EHBP1: variants seen among roughly 807,000 people sequenced by gnomAD.
EHBP1 encodes the protein EH domain-binding protein 1.
A neutral mutation model predicts 144.0 loss-of-function variants in EHBP1; 55 were observed. That is an observed-to-expected ratio of 0.38 (90% CI 0.31 to 0.48). The LOEUF (loss-of-function observed/expected upper bound fraction) is 0.48. Among genes scored for constraint, EHBP1 ranks in the 20% least tolerant of loss-of-function variants. The pLI, the probability that EHBP1 is intolerant of heterozygous loss-of-function variation, is 0.98. For missense variants in EHBP1, 1,200 were observed against 1,364.2 expected, an observed-to-expected ratio of 0.88 and a Z score of 1.90; for synonymous variants, 469 against 472.7, an observed-to-expected ratio of 0.99 and a Z score of 0.10.
chr2:62,881,245 TGGAGGGTGGGA>T (rs1230603433), intron 10 of EHBP1, among the ~76,000 whole-genome samples: 1 of 151,156 alleles, frequency 6.6e-6, no homozygotes, highest in Non-Finnish European at 1.5e-5. Flanking sequence ...TACTTGTGGG[TGGAGGGTGGGA>T]GGAGGGTGAG....
intron 15 of EHBP1, among the ~76,000 whole-genome samples, chr2:62,986,317 T>G (rs1157621380): frequency 2.6e-5 from 4 of 152,190 alleles, no homozygotes; most frequent in African/African-American, 9.6e-5. Flanking sequence ...GTGATTGTGC[T>G]TAAATAATGA....
intron 2 of EHBP1, among the ~76,000 whole-genome samples, chr2:62,729,607 TATAATAA>T (rs1270338972): frequency 7.6e-6 from 1 of 132,118 alleles, no homozygotes; most frequent in Non-Finnish European, 1.6e-5. Context: ...TAATAATAAA[TATAATAA>T]TAAATAAAAT....
chr2:62,814,466 A>G (rs2045293226), intron 5 of EHBP1, among the ~76,000 whole-genome samples: 1 of 152,274 alleles, frequency 6.6e-6, no homozygotes, highest in African/African-American at 2.4e-5. Flanking sequence ...AGATTAACAC[A>G]GCCAGCATTA....
intron 5 of EHBP1, among the ~76,000 whole-genome samples, chr2:62,781,051 C>A (rs2042389486): frequency 1.3e-5 from 2 of 152,152 alleles, no homozygotes; most frequent in African/African-American, 4.8e-5. Flanking sequence ...GTGACAGATA[C>A]TTGCTACATA....
In EHBP1 at chr2:62,674,197, T is replaced by C. The variant is rs538088288; in HGVS notation, c.-296+114T>C. On this transcript the variant is annotated intron_variant, in intron 1 of 22. Coordinates refer to the EHBP1 transcript ENST00000405015. Reference sequence around the variant, plus strand: ...CCTTGATAACCTAGATTTTCATGTGTGTGTATGTGTGTGTGTGTAAAAGCT... The same window carrying C: ...CCTTGATAACCTAGATTTTCATGTGCGTGTATGTGTGTGTGTGTAAAAGCT... The C allele has an allele frequency of 2.6e-4, 123 of 464,924 alleles. 1 individual carries two copies. The highest frequency in any genetic ancestry group is 2.2e-3 in the African/African-American group (111 of 49,902). The allele number at this position is 464,924 out of a possible 1,614,324, so 28.8% of individuals were successfully genotyped here.
At chr2:62,971,127 A>C (rs1053632984) in intron 14 of EHBP1, among the ~76,000 whole-genome samples, 1 of 152,206 alleles carries the variant, frequency 6.6e-6, no homozygotes, top group South Asian at 2.1e-4. Flanking sequence ...AGTAACTTGA[A>C]GACATGCTGT....
chr2:62,892,488 T>A (rs2052541988), intron 10 of EHBP1, among the ~76,000 whole-genome samples: 1 of 152,150 alleles, frequency 6.6e-6, no homozygotes, highest in African/African-American at 2.4e-5. Flanking sequence ...AAGTAGAGGT[T>A]GTCATTTGGC....
intron 5 of EHBP1, among the ~76,000 whole-genome samples, chr2:62,801,474 A>G (rs999977436): frequency 1.3e-5 from 2 of 152,256 alleles, no homozygotes; most frequent in African/African-American, 4.8e-5. Context: ...ATAATGTAAT[A>G]CATCCCTTCT....
At chr2:62,982,375 T>C (rs2059009483) in intron 15 of EHBP1, among the ~76,000 whole-genome samples, 1 of 152,188 alleles carries the variant, frequency 6.6e-6, no homozygotes, top group Non-Finnish European at 1.5e-5. Context: ...GCCTGGTTGT[T>C]ATTTACCTTC....
At chr2:62,825,136 A>T (rs2152599559) in intron 5 of EHBP1, among the ~76,000 whole-genome samples, 1 of 152,002 alleles carries the variant, frequency 6.6e-6, no homozygotes, top group East Asian at 1.9e-4. Flanking sequence ...ATGATTTCTG[A>T]TTTATGTTAT....
At chr2:62,960,622 TTGAA>T in intron 14 of EHBP1, among the ~76,000 whole-genome samples, 1 of 152,176 alleles carries the variant, frequency 6.6e-6, no homozygotes, top group East Asian at 1.9e-4. Flanking sequence ...TAAATGTTCA[TTGAA>T]TGAATAAATG....
chr2:62,849,295 G>T (rs1172569022), intron 7 of EHBP1, among the ~76,000 whole-genome samples: 1 of 152,080 alleles, frequency 6.6e-6, no homozygotes, highest in African/African-American at 2.4e-5. Context: ...CATGTGGACA[G>T]GCCACTTGGA....
intron 5 of EHBP1, among the ~76,000 whole-genome samples, chr2:62,819,658 G>A (rs754014457): frequency 8.6e-5 from 13 of 151,846 alleles, no homozygotes; most frequent in Non-Finnish European, 1.8e-4. Flanking sequence ...CAGCTACTTG[G>A]GAGACTGAGG....
intron 14 of EHBP1, among the ~76,000 whole-genome samples, chr2:62,970,917 A>T (rs2058469373): frequency 6.6e-6 from 1 of 152,202 alleles, no homozygotes; most frequent in Admixed American, 6.5e-5. Flanking sequence ...TAAAAGTAGC[A>T]CCATTGAAGC....
chr2:62,767,285 G>A (rs2041264839), intron 4 of EHBP1, among the ~76,000 whole-genome samples: 1 of 152,110 alleles, frequency 6.6e-6, no homozygotes, highest in African/African-American at 2.4e-5. Flanking sequence ...TGGTTTATCT[G>A]TCTCTGATCA....
chr2:62,861,425 G>A (rs1379625161), intron 8 of EHBP1, among the ~76,000 whole-genome samples: 1 of 150,764 alleles, frequency 6.6e-6, no homozygotes, highest in Non-Finnish European at 1.5e-5. Context: ...ACCGCGCCCA[G>A]CCCTTGAGTG....
intron 2 of EHBP1, among the ~76,000 whole-genome samples, chr2:62,720,780 T>A (rs2036149910): frequency 6.6e-6 from 1 of 152,178 alleles, no homozygotes; most frequent in East Asian, 1.9e-4. Context: ...GAAGAAGAAT[T>A]GTCTTGGGCC....
At chr2:62,923,631 G>A (rs1442818684) in intron 10 of EHBP1, among the ~76,000 whole-genome samples, 1 of 152,078 alleles carries the variant, frequency 6.6e-6, no homozygotes, top group Non-Finnish European at 1.5e-5. Flanking sequence ...GAGCTCCCAG[G>A]CTGCCTACAC....
intron 5 of EHBP1, among the ~76,000 whole-genome samples, chr2:62,783,010 G>A (rs927434012): frequency 6.6e-6 from 1 of 152,168 alleles, no homozygotes; most frequent in African/African-American, 2.4e-5. Flanking sequence ...GGGGGTGTGG[G>A]CGTTGGGTAA....
Sources: gnomAD v4.1 joint callset for allele counts (sites outside exome capture counted in the v4.1 genomes callset) on GRCh38, gnomAD v4.1.1 for gene constraint, MANE v1.5 for transcripts, NCBI Gene and HGNC (gene_info 2026-07-23, HGNC 2026-07-21) for gene names.